Variants in PCDH11X observed in about 807,000 individuals in gnomAD.
PCDH11X encodes the protein protocadherin 11 X-linked, also known as protocadherin-11 X-linked.
A neutral mutation model predicts 53.3 loss-of-function variants in PCDH11X; 18 were observed. The observed-to-expected ratio is 0.34, with a 90% CI of 0.23 to 0.50. The LOEUF (loss-of-function observed/expected upper bound fraction) is 0.50, where lower values mean the gene tolerates loss of function less well. PCDH11X is among the 20% of genes least tolerant of loss of function. The pLI, the probability that PCDH11X is intolerant of heterozygous loss-of-function variation, is 0.98. For synonymous variants in PCDH11X, 279 were observed against 393.3 expected, an observed-to-expected ratio of 0.71 and a Z score of 3.44; for missense variants, 570 against 1,032.4, an observed-to-expected ratio of 0.55 and a Z score of 6.14.
In PCDH11X at chrX:91,883,859, A is replaced by T. The variant is rs1240729690; in HGVS notation, c.3033+4586A>T. On this transcript the variant is annotated intron_variant, in intron 6 of 10. Coordinates refer to ENST00000682573, the MANE Select transcript of PCDH11X (RefSeq NM_032968.5). ...ATAATTTTACTAGGTTTTTATGTTG[A>T]TTGTACTCATGCTGTTCCACTCCTT... 3 of 748,688 alleles carry T rather than the reference A, an allele frequency of 4.0e-6. No individual in the cohort carries two copies. In the East Asian group the frequency reaches 4.6e-4, roughly 116 times the overall value. The allele number at this position is 748,688 out of a possible 1,213,427, so 61.7% of individuals were successfully genotyped here.
chrX:92,268,869 C>T (rs73630165), intron 8 of PCDH11X, among the ~76,000 whole-genome samples: 10,275 of 111,654 alleles, frequency 0.092, 702 homozygotes, highest in East Asian at 0.23. Flanking sequence ...TGGCCAACCT[C>T]GTCTCTACTA....
At chrX:92,556,638 G>T (rs1477294827) in intron 10 of PCDH11X, among the ~76,000 whole-genome samples, 2 of 111,931 alleles carry the variant, frequency 1.8e-5, no homozygotes, top group Non-Finnish European at 3.8e-5. Context: ...CCTGCTCTGG[G>T]CTGCTTTCAC....
At chrX:92,530,512 G>A (rs2074535275) in intron 10 of PCDH11X, among the ~76,000 whole-genome samples, 2 of 112,141 alleles carry the variant, frequency 1.8e-5, no homozygotes, top group Admixed American at 1.9e-4. Flanking sequence ...CTAATTCTAT[G>A]TAATGCATGC....
chrX:92,003,004 C>T (rs1324625816), intron 6 of PCDH11X, among the ~76,000 whole-genome samples: 1 of 87,544 alleles, frequency 1.1e-5, no homozygotes. Flanking sequence ...TTTCACCATT[C>T]ACTGTGATAC....
chrX:92,312,308 A>G (rs1198034425), intron 8 of PCDH11X, among the ~76,000 whole-genome samples: 2 of 111,692 alleles, frequency 1.8e-5, no homozygotes, highest in Non-Finnish European at 3.8e-5. Flanking sequence ...TTTGAGAGAC[A>G]CTTAATATCA....
chrX:92,596,899 G>C (rs1418646374), intron 10 of PCDH11X, among the ~76,000 whole-genome samples: 1 of 109,158 alleles, frequency 9.2e-6, no homozygotes, highest in Admixed American at 9.9e-5. Context: ...CACAAGGATG[G>C]TTCAGCATAA....
chrX:91,972,392 G>A (rs1168511994), intron 6 of PCDH11X, among the ~76,000 whole-genome samples: 2 of 89,272 alleles, frequency 2.2e-5, no homozygotes. Flanking sequence ...CTCCCATTTT[G>A]TAGGTTGCCT....
At chrX:92,471,683 C>T (rs1486183717) in intron 10 of PCDH11X, among the ~76,000 whole-genome samples, 1 of 107,357 alleles carries the variant, frequency 9.3e-6, no homozygotes, top group African/African-American at 3.4e-5. Context: ...TGAGTAATTG[C>T]CACACTGTCT....
At chrX:91,990,230 A>G (rs755729433) in intron 6 of PCDH11X, among the ~76,000 whole-genome samples, 2 of 110,378 alleles carry the variant, frequency 1.8e-5, no homozygotes, top group African/African-American at 3.3e-5. Flanking sequence ...TATAGGTTGT[A>G]TAATGATCAA....
At chrX:92,377,753 A>G (rs1403748247) in intron 8 of PCDH11X, among the ~76,000 whole-genome samples, 2 of 100,516 alleles carry the variant, frequency 2.0e-5, no homozygotes, top group Admixed American at 2.2e-4. Context: ...CATATGTATC[A>G]TTTATCAAAA....
At chrX:91,945,224 T>A (rs2061559780) in intron 6 of PCDH11X, among the ~76,000 whole-genome samples, 1 of 102,999 alleles carries the variant, frequency 9.7e-6, no homozygotes, top group East Asian at 3.2e-4. Context: ...AATGACTAAT[T>A]TTATTTCAAT....
intron 8 of PCDH11X, among the ~76,000 whole-genome samples, chrX:92,305,667 A>G (rs985568698): frequency 2.8e-5 from 3 of 108,207 alleles, no homozygotes; most frequent in Non-Finnish European, 5.8e-5. Context: ...TGTTAAGCAT[A>G]TACATTTGAT....
At chrX:92,413,580 C>G (rs1366608314) in intron 9 of PCDH11X, among the ~76,000 whole-genome samples, 1 of 97,493 alleles carries the variant, frequency 1.0e-5, no homozygotes, top group African/African-American at 4.3e-5. Flanking sequence ...TCTCTCAATA[C>G]TATGATAATG....
chrX:92,251,835 A>T (rs762313819), intron 7 of PCDH11X, among the ~76,000 whole-genome samples: 1 of 110,823 alleles, frequency 9.0e-6, no homozygotes, highest in Non-Finnish European at 1.9e-5. Flanking sequence ...TTGTTTTAAT[A>T]AGATCATACA....
chrX:92,241,227 C>A (rs2067257106), intron 7 of PCDH11X, among the ~76,000 whole-genome samples: 1 of 110,947 alleles, frequency 9.0e-6, no homozygotes, highest in Non-Finnish European at 1.9e-5. Context: ...TAATAAAGAC[C>A]CGCTGGCTTT....
rs141234385 is a variant in PCDH11X at position 92,373,432 on chromosome X, G to A, written c.3145-14303G>A. 9.4e-3 allele frequency among the ~76,000 whole-genome samples: 1,051 copies of A among 111,333 alleles called. 11 individuals are homozygous for A. Among genetic ancestry groups the A allele is most frequent in the African/African-American group, 0.029 (893 of 30,563 alleles). ...TTCCAGTACAAAGAGGATATCTTTC[G>A]CATGGGAATTTCGTCTCCTGCTGTT... is the stretch of plus-strand genomic sequence containing the variant. On this transcript the variant is annotated intron_variant, in intron 8 of 10. Coordinates refer to ENST00000682573, the MANE Select transcript of PCDH11X (RefSeq NM_032968.5).
Position 92,448,262 on chromosome X carries a change from G to T in PCDH11X, c.3344-20037G>T, listed in dbSNP as rs1160720278. Among the ~76,000 whole-genome samples the T allele has an allele frequency of 3.7e-5, 4 of 109,552 alleles. No homozygotes were observed. The East Asian group carries it at 1.2e-3, about 32-fold the overall frequency. Reference sequence around the variant, plus strand: ...GACGTGAGATTTGGGATGCACCAGGGGCGGAATGATATGGTTTGGCTGTGT... The same window carrying T: ...GACGTGAGATTTGGGATGCACCAGGTGCGGAATGATATGGTTTGGCTGTGT... On this transcript the variant is annotated intron_variant, in intron 9 of 10. Coordinates refer to ENST00000682573, the MANE Select transcript of PCDH11X (RefSeq NM_032968.5).
chrX:92,233,567 G>T (rs1403174593), intron 7 of PCDH11X, among the ~76,000 whole-genome samples: 1 of 111,547 alleles, frequency 9.0e-6, no homozygotes, highest in Non-Finnish European at 1.9e-5. Flanking sequence ...TATTGTGTAA[G>T]GTTAATTGAA....
At chrX:92,405,713 G>A (rs6652293) in intron 9 of PCDH11X, among the ~76,000 whole-genome samples, 1 of 105,724 alleles carries the variant, frequency 9.5e-6, no homozygotes, top group Non-Finnish European at 1.9e-5. Flanking sequence ...AAACACCACT[G>A]TAAGATATGA....
Sources: allele counts gnomAD v4.1 joint callset (sites outside exome capture counted in the v4.1 genomes callset), GRCh38; gene constraint gnomAD v4.1.1; transcripts MANE v1.5; gene names NCBI Gene and HGNC (gene_info 2026-07-23, HGNC 2026-07-21).